SAMD3: variants seen among roughly 807,000 people sequenced by gnomAD.
The protein encoded by SAMD3 is sterile alpha motif domain containing 3, also known as sterile alpha motif domain-containing protein 3.
Under a neutral mutation model 58.5 loss-of-function variants are expected in SAMD3, and 63 were observed. That is an observed-to-expected ratio of 1.08 (90% CI 0.88 to 1.33). SAMD3 has a LOEUF of 1.33. Ranked by LOEUF, SAMD3 falls within the 40% of genes most tolerant of loss-of-function variation. The pLI is 0.00. For missense variants in SAMD3, 604 were observed against 608.4 expected, an observed-to-expected ratio of 0.99 and a Z score of 0.08; for synonymous variants, 220 against 210.3, an observed-to-expected ratio of 1.05 and a Z score of -0.40.
At chr6:130,297,052 A>C (rs1407068932) in intron 2 of SAMD3, among the ~76,000 whole-genome samples, 1 of 152,184 alleles carries the variant, frequency 6.6e-6, no homozygotes, top group Non-Finnish European at 1.5e-5. Flanking sequence ...TTTTACACTT[A>C]AGCACCATCT....
intron 1 of SAMD3, among the ~76,000 whole-genome samples, chr6:130,316,475 A>C (rs978309273): frequency 1.3e-5 from 2 of 152,024 alleles, no homozygotes; most frequent in African/African-American, 4.8e-5. Flanking sequence ...TTTGGGCTAA[A>C]AATTTTTATA....
At chr6:130,350,728 G>T (rs943716880) in intron 1 of SAMD3, among the ~76,000 whole-genome samples, 1 of 152,102 alleles carries the variant, frequency 6.6e-6, no homozygotes, top group East Asian at 1.9e-4. Context: ...CTACTTTAAA[G>T]TTCATATGGA....
chr6:130,188,373 C>T (rs923981531), intron 5 of SAMD3, among the ~76,000 whole-genome samples: 10 of 152,152 alleles, frequency 6.6e-5, no homozygotes, highest in Admixed American at 4.6e-4. Flanking sequence ...GTTTAATCTC[C>T]AGTATATATA....
intron 1 of SAMD3, among the ~76,000 whole-genome samples, chr6:130,361,492 A>G (rs1258910328): frequency 1.3e-5 from 2 of 152,220 alleles, no homozygotes; most frequent in Non-Finnish European, 2.9e-5. Context: ...ATGTGTGTAC[A>G]GTCTGTTGGC....
At chr6:130,237,217 G>A (rs1773187755) in intron 2 of SAMD3, among the ~76,000 whole-genome samples, 3 of 152,198 alleles carry the variant, frequency 2.0e-5, no homozygotes, top group South Asian at 4.1e-4. Context: ...GGGTAGTGAG[G>A]CGCTACTATT....
intron 9 of SAMD3, among the ~76,000 whole-genome samples, chr6:130,153,271 C>T (rs533825450): frequency 6.6e-6 from 1 of 152,228 alleles, no homozygotes; most frequent in Non-Finnish European, 1.5e-5. Flanking sequence ...TCCTTACAAC[C>T]TGAAGATTAA....
chr6:130,238,744 G>A (rs1773252197), intron 2 of SAMD3, among the ~76,000 whole-genome samples: 1 of 151,984 alleles, frequency 6.6e-6, no homozygotes, highest in African/African-American at 2.4e-5. Flanking sequence ...TGGGAGAAAT[G>A]TTCTTAGTTT....
At chr6:130,212,676 G>A (rs536151619) in intron 4 of SAMD3, among the ~76,000 whole-genome samples, 1 of 152,194 alleles carries the variant, frequency 6.6e-6, no homozygotes, top group Non-Finnish European at 1.5e-5. Flanking sequence ...AGGTTTCCTG[G>A]CAGTCCAGCT....
intron 8 of SAMD3, among the ~76,000 whole-genome samples, chr6:130,174,210 C>T (rs1006888914): frequency 1.3e-5 from 2 of 152,130 alleles, no homozygotes; most frequent in Non-Finnish European, 2.9e-5. Flanking sequence ...GGGGTTCAGG[C>T]GCCACTGGGG....
chr6:130,294,398 G>A (rs777112166), intron 2 of SAMD3, among the ~76,000 whole-genome samples: 53 of 152,086 alleles, frequency 3.5e-4, no homozygotes, highest in Non-Finnish European at 6.6e-4. Context: ...AACACTGTGT[G>A]TATTTTTTAA....
At chr6:130,192,912 T>G (rs1793690826) in intron 5 of SAMD3, among the ~76,000 whole-genome samples, 1 of 152,132 alleles carries the variant, frequency 6.6e-6, no homozygotes, top group Admixed American at 6.5e-5. Context: ...TCCCTCAACC[T>G]CTTTCTCCTT....
chr6:130,269,907 G>A (rs1251021120), intron 2 of SAMD3, among the ~76,000 whole-genome samples: 1 of 151,756 alleles, frequency 6.6e-6, no homozygotes, highest in Admixed American at 6.6e-5. Context: ...AATTTCTATT[G>A]TCATTCCTTT....
chr6:130,172,790 A>G (rs1446303051), intron 8 of SAMD3, among the ~76,000 whole-genome samples: 1 of 152,186 alleles, frequency 6.6e-6, no homozygotes, highest in Non-Finnish European at 1.5e-5. Flanking sequence ...GATAATAACC[A>G]GAAGTGTGTT....
chr6:130,198,264 C>T (rs975442748), intron 5 of SAMD3, among the ~76,000 whole-genome samples: 2 of 152,136 alleles, frequency 1.3e-5, no homozygotes, highest in Non-Finnish European at 2.9e-5. Context: ...AGTGAAGTGG[C>T]ACAATGATGA....
At chr6:130,272,738 C>G (rs1774610164) in intron 2 of SAMD3, among the ~76,000 whole-genome samples, 1 of 152,100 alleles carries the variant, frequency 6.6e-6, no homozygotes, top group South Asian at 2.1e-4. Flanking sequence ...GATATGAAGT[C>G]TTGCTATGTT....
intron 2 of SAMD3, among the ~76,000 whole-genome samples, chr6:130,284,971 T>C (rs763069912): frequency 7.9e-5 from 12 of 152,206 alleles, no homozygotes; most frequent in Non-Finnish European, 1.8e-4. Flanking sequence ...ATTCTTTATT[T>C]GCATCTCTGT....
At chr6:130,287,750 C>T (rs529781703) in intron 2 of SAMD3, among the ~76,000 whole-genome samples, 16 of 152,232 alleles carry the variant, frequency 1.1e-4, no homozygotes, top group Admixed American at 7.9e-4. Flanking sequence ...TCAAGACCAT[C>T]CTGGCCAACA....
chr6:130,341,238 A>C (rs1777262315), intron 1 of SAMD3, among the ~76,000 whole-genome samples: 1 of 152,216 alleles, frequency 6.6e-6, no homozygotes, highest in African/African-American at 2.4e-5. Context: ...TTTTGCTTTA[A>C]CACATGATAT....
chr6:130,296,221 A>G (rs1247123159), intron 2 of SAMD3, among the ~76,000 whole-genome samples: 1 of 152,248 alleles, frequency 6.6e-6, no homozygotes, highest in Non-Finnish European at 1.5e-5. Flanking sequence ...AGAAAGATCA[A>G]AGTTACTGGT....
Sources: gnomAD v4.1 joint callset for allele counts (sites outside exome capture counted in the v4.1 genomes callset) on GRCh38, gnomAD v4.1.1 for gene constraint, MANE v1.5 for transcripts, NCBI Gene and HGNC (gene_info 2026-07-23, HGNC 2026-07-21) for gene names.